The following USP31 variants were observed in gnomAD, a reference collection of about 807,000 sequenced individuals.
The protein encoded by USP31 is ubiquitin carboxyl-terminal hydrolase 31.
In USP31, 44 loss-of-function variants were observed where a neutral mutation model predicts 119.4. The observed-to-expected ratio is 0.37, with a 90% CI of 0.29 to 0.47. The LOEUF (loss-of-function observed/expected upper bound fraction) is 0.47, where lower values mean the gene tolerates loss of function less well. USP31 is among the 20% of genes least tolerant of loss of function. The probability of loss-of-function intolerance (pLI) is 0.99; values close to 1 mark genes in which losing one functional copy is unlikely to be tolerated. For missense variants in USP31, 1,643 were observed against 1,730.2 expected, an observed-to-expected ratio of 0.95 and a Z score of 0.89; for synonymous variants, 749 against 705.6, an observed-to-expected ratio of 1.06 and a Z score of -0.97.
chr16:23,111,063 G>A (rs1037105584), intron 1 of USP31, among the ~76,000 whole-genome samples: 2 of 152,178 alleles, frequency 1.3e-5, no homozygotes, highest in Admixed American at 6.5e-5. Context: ...GGGAGGCAGC[G>A]CTTGCAGTGA....
intron 7 of USP31, 48 bp downstream of exon 7, chr16:23,090,576 T>G: frequency 6.8e-7 from 1 of 1,472,268 alleles, no homozygotes; most frequent in Non-Finnish European, 9.1e-7. Flanking sequence ...TTGAAAATAC[T>G]GAACTGTTAC....
intron 1 of USP31, among the ~76,000 whole-genome samples, chr16:23,110,868 C>G (rs1369039957): frequency 6.6e-6 from 1 of 152,194 alleles, no homozygotes; most frequent in South Asian, 2.1e-4. Flanking sequence ...GTGGCTCACA[C>G]CTGTAATCCC....
intron 11 of USP31, among the ~76,000 whole-genome samples, chr16:23,083,001 T>A (rs971438235): frequency 2.0e-5 from 3 of 152,030 alleles, no homozygotes; most frequent in Non-Finnish European, 4.4e-5. Context: ...CAGCTAATTT[T>A]TGTATTTTTG....
rs781080792 is a variant in USP31, at chr16:23,087,077, A to G, written c.1622+15T>C. The G allele has an allele frequency of 3.7e-6, 6 of 1,600,080 alleles. No homozygotes were observed. In the Admixed American group the frequency reaches 5.3e-5, roughly 14 times the overall value. ...TGAGATTCTAAAAGGTAATTTAAAAAAAAATTTTTTTTACCTTTCTACTAT... is the reference window on the plus strand; with the variant it reads ...TGAGATTCTAAAAGGTAATTTAAAAGAAAATTTTTTTTACCTTTCTACTAT... On this transcript the variant is annotated intron_variant, in intron 9 of 15. Transcript: ENST00000219689.
intron 6 of USP31, among the ~76,000 whole-genome samples, chr16:23,091,808 A>G (rs1901375096): frequency 6.6e-6 from 1 of 152,246 alleles, no homozygotes; most frequent in Non-Finnish European, 1.5e-5. Flanking sequence ...TAGAGGGAAG[A>G]AAACTTTTTA....
intron 1 of USP31, among the ~76,000 whole-genome samples, chr16:23,135,960 T>G (rs1230765019): frequency 6.6e-6 from 1 of 152,128 alleles, no homozygotes; most frequent in African/African-American, 2.4e-5. Flanking sequence ...ATGAGAACAG[T>G]GGGGTAAAGA....
intron 14 of USP31, among the ~76,000 whole-genome samples, chr16:23,073,137 C>A (rs1215976734): frequency 6.6e-6 from 1 of 152,080 alleles, no homozygotes; most frequent in South Asian, 2.1e-4. Flanking sequence ...CTGGTCCCTG[C>A]ATTTATTAAA....
intron 6 of USP31, among the ~76,000 whole-genome samples, chr16:23,100,259 G>A (rs1028850914): frequency 4.6e-5 from 7 of 152,058 alleles, no homozygotes; most frequent in Non-Finnish European, 1.0e-4. Context: ...GCCAGAAGGT[G>A]GAAACAACCC....
At chr16:23,091,211 A>C (rs896615164) in intron 6 of USP31, among the ~76,000 whole-genome samples, 5 of 152,230 alleles carry the variant, frequency 3.3e-5, no homozygotes, top group Admixed American at 6.5e-5. Flanking sequence ...TCCCTGATTA[A>C]AGAGCCAGAC....
chr16:23,103,291 T>C (rs1400206140), intron 5 of USP31, among the ~76,000 whole-genome samples: 1 of 152,014 alleles, frequency 6.6e-6, no homozygotes. Flanking sequence ...AAACCACGGA[T>C]ATTTGTATTG....
chr16:23,138,227 T>C (rs1196704103), intron 1 of USP31, among the ~76,000 whole-genome samples: 1 of 152,210 alleles, frequency 6.6e-6, no homozygotes, highest in Non-Finnish European at 1.5e-5. Flanking sequence ...TTATAACAAA[T>C]AGAAATCTCT....
At chr16:23,094,153 C>T (rs1901496481) in intron 6 of USP31, among the ~76,000 whole-genome samples, 1 of 152,152 alleles carries the variant, frequency 6.6e-6, no homozygotes, top group African/African-American at 2.4e-5. Flanking sequence ...AAATACTGTG[C>T]TTTTCCCAAG....
intron 6 of USP31, among the ~76,000 whole-genome samples, chr16:23,098,623 G>C (rs1167390061): frequency 1.3e-5 from 2 of 152,108 alleles, no homozygotes; most frequent in African/African-American, 4.8e-5. Context: ...CCAACACAGA[G>C]ATATAGACCA....
At chr16:23,073,617 G>C in intron 14 of USP31, 105 bp downstream of exon 14, 1 of 1,358,450 alleles carries the variant, frequency 7.4e-7, no homozygotes, top group East Asian at 2.3e-5. Flanking sequence ...GGATTCATCT[G>C]ATCAAACTGA....
chr16:23,106,159 G>A, intron 4 of USP31, 54 bp downstream of exon 4: 3 of 1,598,564 alleles, frequency 1.9e-6, no homozygotes, highest in Non-Finnish European at 2.6e-6. Flanking sequence ...GCCTACAGAG[G>A]CAAAGGGATA....
intron 6 of USP31, among the ~76,000 whole-genome samples, chr16:23,098,683 C>G (rs1901721741): frequency 6.6e-6 from 1 of 152,214 alleles, no homozygotes; most frequent in South Asian, 2.1e-4. Flanking sequence ...CTACAACCAT[C>G]TGATCTTTGA....
At chr16:23,136,274 T>C (rs1192299697) in intron 1 of USP31, among the ~76,000 whole-genome samples, 1 of 152,212 alleles carries the variant, frequency 6.6e-6, no homozygotes, top group Non-Finnish European at 1.5e-5. Context: ...AGAGGCTTTA[T>C]GACACTGGAT....
chr16:23,096,619 G>C (rs1247995712), intron 6 of USP31, among the ~76,000 whole-genome samples: 1 of 152,150 alleles, frequency 6.6e-6, no homozygotes, highest in Non-Finnish European at 1.5e-5. Context: ...AACTGTAAAA[G>C]AACAGAAACC....
intron 1 of USP31, among the ~76,000 whole-genome samples, chr16:23,122,029 T>C (rs1902685977): frequency 6.6e-6 from 1 of 152,104 alleles, no homozygotes; most frequent in Admixed American, 6.5e-5. Context: ...AAAATAAAGA[T>C]CACATGATGA....
Sources: gnomAD v4.1 joint callset for allele counts (sites outside exome capture counted in the v4.1 genomes callset) on GRCh38, gnomAD v4.1.1 for gene constraint, MANE v1.5 for transcripts, NCBI Gene and HGNC (gene_info 2026-07-23, HGNC 2026-07-21) for gene names.